The following NRXN3 variants were observed in gnomAD, a reference collection of about 807,000 sequenced individuals.
NRXN3 encodes the protein neurexin III.
NRXN3 carries 32 observed loss-of-function variants against 137.6 expected under a neutral mutation model. The ratio of observed to expected loss-of-function variants is 0.23; its 90% CI spans 0.18 to 0.31. The LOEUF (loss-of-function observed/expected upper bound fraction) is 0.31, where lower values mean the gene tolerates loss of function less well. Ranked by LOEUF, NRXN3 falls within the 10% of genes least tolerant of loss-of-function variation. The pLI is 1.00. For missense variants in NRXN3, 1,574 were observed against 2,062.5 expected (o/e 0.76, Z 4.59); for synonymous variants, 798 against 784.5 (o/e 1.02, Z -0.29).
At chr14:78,300,665 C>A in intron 4 of NRXN3, 1 of 1,529,264 alleles carries the variant, frequency 6.5e-7, no homozygotes, top group Non-Finnish European at 8.8e-7. Flanking sequence ...CTTAATTGGA[C>A]CTTCATTTCT....
rs116091364 is a variant in NRXN3 at position 79,467,632 on chromosome 14, C to T, written c.3444+230C>T. ...GGAGGAAAAAGAAATTCATTCTTTG[C>T]AGGCTCCCTTCCCAACTGTGTGGCT... On this transcript the variant is annotated intron_variant, in intron 16 of 20. Coordinates refer to ENST00000335750, the MANE Select transcript of NRXN3 (RefSeq NM_001330195.2). 4.6e-3 allele frequency among the ~76,000 whole-genome samples: 695 copies of T among 152,288 alleles called. 2 individuals carry two copies. The highest frequency in any genetic ancestry group is 0.016 in the African/African-American group (663 of 41,560).
chr14:78,995,619 TG>T (rs1391199181), intron 15 of NRXN3, among the ~76,000 whole-genome samples: 2 of 152,212 alleles, frequency 1.3e-5, no homozygotes, highest in African/African-American at 4.8e-5. Flanking sequence ...TGGCACATGA[TG>T]GCCCTGCCGG....
intron 15 of NRXN3, among the ~76,000 whole-genome samples, chr14:79,111,111 T>C (rs1263880295): frequency 2.2e-4 from 34 of 152,026 alleles, no homozygotes; most frequent in Admixed American, 2.2e-3. Flanking sequence ...TTTAAAAAGT[T>C]TTTTGGGAAA....
At chr14:78,612,453 G>T (rs1327104635) in intron 4 of NRXN3, among the ~76,000 whole-genome samples, 4 of 152,184 alleles carry the variant, frequency 2.6e-5, no homozygotes, top group Non-Finnish European at 4.4e-5. Flanking sequence ...ATGAAAGAAT[G>T]ATTTATATTG....
At position 78,921,301 on chromosome 14, in the gene NRXN3, C is replaced by G. The variant is rs2099270429; in HGVS notation, c.2276-35941C>G. Among the ~76,000 whole-genome samples the G allele has an allele frequency of 2.0e-5, 3 of 152,300 alleles. No individual in the cohort carries two copies. The South Asian group carries it at 6.2e-4, about 32-fold the overall frequency. On this transcript the variant is annotated intron_variant, in intron 10 of 20. Coordinates refer to ENST00000335750, the MANE Select transcript of NRXN3 (RefSeq NM_001330195.2). ...ACGGGGGATACAGTGGTTAATGGAG[C>G]AGACACAGTCCTTGTCCTCATGAAA...
intron 4 of NRXN3, among the ~76,000 whole-genome samples, chr14:78,379,196 T>C (rs1355878407): frequency 6.6e-6 from 1 of 152,036 alleles, no homozygotes; most frequent in Non-Finnish European, 1.5e-5. Context: ...AACAGCAGAG[T>C]TGACACTAAT....
intron 15 of NRXN3, among the ~76,000 whole-genome samples, chr14:79,100,159 T>C (rs897277810): frequency 6.6e-5 from 10 of 152,226 alleles, no homozygotes; most frequent in African/African-American, 2.4e-4. Flanking sequence ...GTTCTCTGTC[T>C]GTCATAATAA....
At chr14:79,572,333 T>C (rs972444000) in intron 16 of NRXN3, among the ~76,000 whole-genome samples, 1 of 152,194 alleles carries the variant, frequency 6.6e-6, no homozygotes, top group Non-Finnish European at 1.5e-5. Context: ...AAATAATATA[T>C]AAATTAGAAA....
chr14:78,619,079 G>A (rs2097373282), intron 4 of NRXN3, among the ~76,000 whole-genome samples: 1 of 152,132 alleles, frequency 6.6e-6, no homozygotes, highest in Non-Finnish European at 1.5e-5. Flanking sequence ...CCATCAGGGA[G>A]GGAGGAGCAT....
intron 15 of NRXN3, among the ~76,000 whole-genome samples, chr14:79,167,944 T>C (rs2061429628): frequency 6.6e-6 from 1 of 151,174 alleles, no homozygotes; most frequent in Non-Finnish European, 1.5e-5. Context: ...TTGTTTTTTT[T>C]TTTTTTTTAC....
At chr14:78,178,375 G>A (rs2059467702) in intron 1 of NRXN3, among the ~76,000 whole-genome samples, 1 of 152,224 alleles carries the variant, frequency 6.6e-6, no homozygotes, top group Non-Finnish European at 1.5e-5. Flanking sequence ...TAGCACTGCT[G>A]CTTAGGAGTA....
At chr14:79,566,256 T>G (rs2097549436) in intron 16 of NRXN3, among the ~76,000 whole-genome samples, 1 of 151,604 alleles carries the variant, frequency 6.6e-6, no homozygotes, top group Non-Finnish European at 1.5e-5. Flanking sequence ...GAGCCAAAAC[T>G]CTCCTTGCTG....
chr14:79,227,824 T>TCCTCCTTTCCTC (rs2071335691), intron 15 of NRXN3, among the ~76,000 whole-genome samples: 1 of 83,318 alleles, frequency 1.2e-5, no homozygotes, highest in Non-Finnish European at 2.5e-5. Context: ...CTTCCTCCCT[T>TCCTCCTTTCCTC]CCTCCCTTCC....
At chr14:79,449,552 C>T (rs1279797754) in intron 15 of NRXN3, among the ~76,000 whole-genome samples, 1 of 152,170 alleles carries the variant, frequency 6.6e-6, no homozygotes, top group African/African-American at 2.4e-5. Flanking sequence ...CTTATCACTT[C>T]CTTGTGGACT....
intron 15 of NRXN3, among the ~76,000 whole-genome samples, chr14:79,194,685 A>G (rs1193918993): frequency 6.6e-6 from 1 of 152,214 alleles, no homozygotes; most frequent in Non-Finnish European, 1.5e-5. Flanking sequence ...ATTGCTTTTC[A>G]TTGTCAATAC....
chr14:78,728,519 A>G (rs901288519), intron 8 of NRXN3, among the ~76,000 whole-genome samples: 5 of 152,158 alleles, frequency 3.3e-5, no homozygotes, highest in South Asian at 2.1e-4. Flanking sequence ...GGGAATTCAC[A>G]TTTATTGAGT....
At chr14:79,589,550 TAAAA>T (rs58740411) in intron 16 of NRXN3, among the ~76,000 whole-genome samples, 11 of 87,060 alleles carry the variant, frequency 1.3e-4, no homozygotes, top group African/African-American at 4.8e-4. Context: ...GTAGAATACC[TAAAA>T]AAAAAAAAAA....
At chr14:79,158,536 A>G (rs947009490) in intron 15 of NRXN3, among the ~76,000 whole-genome samples, 2 of 151,854 alleles carry the variant, frequency 1.3e-5, no homozygotes, top group African/African-American at 4.8e-5. Context: ...CTTGCTGAAT[A>G]AGCACCCTTC....
intron 20 of NRXN3, among the ~76,000 whole-genome samples, chr14:79,829,747 T>C (rs1429473194): frequency 1.3e-5 from 2 of 152,214 alleles, no homozygotes; most frequent in Non-Finnish European, 2.9e-5. Context: ...TTCAGTGGAA[T>C]AGAACTGAGT....
Sources: gnomAD v4.1 joint callset for allele counts (sites outside exome capture counted in the v4.1 genomes callset) on GRCh38, gnomAD v4.1.1 for gene constraint, MANE v1.5 for transcripts, NCBI Gene and HGNC (gene_info 2026-07-23, HGNC 2026-07-21) for gene names.